The following COPG2 variants were observed in gnomAD, a reference collection of about 807,000 sequenced individuals.
The protein encoded by COPG2 is coatomer subunit gamma-2.
A neutral mutation model predicts 46.3 loss-of-function variants in COPG2; 37 were observed. The observed-to-expected ratio is 0.80, with a 90% CI of 0.61 to 1.05. The LOEUF is 1.05. Ranked by LOEUF, COPG2 falls within the 50% of genes least tolerant of loss-of-function variation. The pLI is 0.00. For missense variants in COPG2, 427 were observed against 387.8 expected, an observed-to-expected ratio of 1.10 and a Z score of -0.85; for synonymous variants, 159 against 129.7, an observed-to-expected ratio of 1.23 and a Z score of -1.53.
intron 4 of COPG2, among the ~76,000 whole-genome samples, chr7:130,662,603 TCTC>T (rs1796000219): frequency 1.3e-5 from 2 of 152,168 alleles, no homozygotes; most frequent in South Asian, 4.1e-4. Context: ...CAGCTCTTCT[TCTC>T]AACTGCCAGC....
intron 20 of COPG2, among the ~76,000 whole-genome samples, chr7:130,525,510 T>C (rs886116043): frequency 2.0e-5 from 3 of 152,096 alleles, no homozygotes; most frequent in Non-Finnish European, 2.9e-5. Flanking sequence ...GTGGTTTGAG[T>C]CTATTGTGTG....
intron 4 of COPG2, among the ~76,000 whole-genome samples, chr7:130,656,800 G>T (rs1231790613): frequency 6.6e-6 from 1 of 151,950 alleles, no homozygotes; most frequent in Non-Finnish European, 1.5e-5. Flanking sequence ...AAGTTAGAGA[G>T]ACTTGAATAA....
chr7:130,601,583 CAT>C (rs1394577287), intron 9 of COPG2, among the ~76,000 whole-genome samples: 1 of 152,242 alleles, frequency 6.6e-6, no homozygotes, highest in East Asian at 1.9e-4. Context: ...AAATACCGCA[CAT>C]GTTCTCACTC....
chr7:130,508,476 T>A, intron 21 of COPG2, 86 bp downstream of exon 21: 1 of 674,060 alleles, frequency 1.5e-6, no homozygotes, highest in South Asian at 1.7e-5. Context: ...TTATGTCAGA[T>A]GCTCCTAGAA....
rs964560549 is a variant in COPG2 at position 130,667,623 on chromosome 7, G to A, written c.38-89C>T. ...CCAGAGAAGGGTACTGAATGCTTGG[G>A]AAGTGAACACTTGGATGGCACAGTG... On this transcript the variant is annotated intron_variant, in intron 1 of 23. Coordinates refer to ENST00000425248, the MANE Select transcript of COPG2 (RefSeq NM_012133.6). The A allele has an allele frequency of 4.0e-6, 4 of 989,592 alleles. No individual in the cohort carries two copies. The South Asian group carries it at 5.8e-5, about 14-fold the overall frequency. The allele number at this position is 989,592 out of a possible 1,614,324, so 61.3% of individuals were successfully genotyped here. A position where few individuals can be genotyped will look rare whatever the true frequency, so the allele number is the denominator to read the frequency against.
chr7:130,578,197 C>A (rs1308861718), intron 9 of COPG2, among the ~76,000 whole-genome samples: 1 of 149,362 alleles, frequency 6.7e-6, no homozygotes, highest in African/African-American at 2.5e-5. Flanking sequence ...ACCCCTGACC[C>A]CCGAGCAGCC....
chr7:130,531,614 G>A (rs1799826160), intron 20 of COPG2, among the ~76,000 whole-genome samples: 1 of 152,172 alleles, frequency 6.6e-6, no homozygotes, highest in South Asian at 2.1e-4. Flanking sequence ...CACCTATGTT[G>A]TATTTCAGAG....
chr7:130,643,806 AACAC>A (rs1396932676), intron 5 of COPG2, among the ~76,000 whole-genome samples: 1 of 152,120 alleles, frequency 6.6e-6, no homozygotes, highest in African/African-American at 2.4e-5. Context: ...ATTTAAAAAA[AACAC>A]ACACACAAAT....
rs1793457617 is a variant in COPG2 at position 130,547,107 on chromosome 7, C to A, written c.2149+567G>T. The A allele has an allele frequency of 2.0e-5, 3 of 152,310 alleles. No homozygotes were observed. In the South Asian group the frequency reaches 6.2e-4, roughly 32 times the overall value. 9.4% of individuals were successfully genotyped at this position (152,310 alleles called of 1,614,324 possible). A position where few individuals can be genotyped will look rare whatever the true frequency, so the allele number is the denominator to read the frequency against. ...CTGTCTTTTAGGGGCTATTTCTCCA[C>A]CCTGCAAAGACTGCATATGGGTCAA... On this transcript the variant is annotated intron_variant, in intron 20 of 23. Coordinates refer to ENST00000425248, the MANE Select transcript of COPG2 (RefSeq NM_012133.6).
intron 10 of COPG2, among the ~76,000 whole-genome samples, chr7:130,563,875 T>C (rs1467375061): frequency 3.3e-5 from 5 of 151,674 alleles, no homozygotes; most frequent in African/African-American, 1.2e-4. Flanking sequence ...CATTAATACC[T>C]GAACTAAATG....
chr7:130,631,014 T>TA (rs1221036900), intron 5 of COPG2, among the ~76,000 whole-genome samples: 2 of 152,044 alleles, frequency 1.3e-5, no homozygotes, highest in South Asian at 4.2e-4. Context: ...CCCCATCTCT[T>TA]AAAAAAAATC....
At chr7:130,582,437 G>A (rs1478277281) in intron 9 of COPG2, among the ~76,000 whole-genome samples, 4 of 151,508 alleles carry the variant, frequency 2.6e-5, no homozygotes, top group Admixed American at 6.6e-5. Flanking sequence ...ATAGGCATGG[G>A]CAAGGATTTC....
Position 130,610,692 on chromosome 7 carries a change from A to G in COPG2, c.737+261T>C, listed in dbSNP as rs1438228997. 5.0e-6 allele frequency: 3 copies of G among 601,392 alleles called. No homozygotes were observed. The African/African-American group carries it at 5.5e-5, about 11-fold the overall frequency. The allele number at this position is 601,392 out of a possible 1,614,324, so 37.3% of individuals were successfully genotyped here. On this transcript the variant is annotated intron_variant, in intron 9 of 23. Coordinates refer to ENST00000425248, the MANE Select transcript of COPG2 (RefSeq NM_012133.6). ...AACTTTCATATTTAATTATCTATAT[A>G]TCTTATGATCAATGCATATATTTTT...
intron 22 of COPG2, 138 bp from the exon 23 acceptor site, chr7:130,507,510 C>G (rs1328227184): frequency 1.5e-6 from 1 of 679,076 alleles, no homozygotes; most frequent in East Asian, 2.5e-5. Flanking sequence ...AGGGAGGCTA[C>G]TACTGGACTA....
chr7:130,563,393 C>T (rs946653105), intron 10 of COPG2, 57 bp from the exon 11 acceptor site: 28 of 392,244 alleles, frequency 7.1e-5, no homozygotes, highest in East Asian at 3.3e-4. Flanking sequence ...ATATACATAC[C>T]GTGAATACTC....
intron 9 of COPG2, chr7:130,610,228 TA>T (rs1794818921): frequency 2.4e-6 from 1 of 422,756 alleles, no homozygotes; most frequent in Non-Finnish European, 4.5e-6. Flanking sequence ...TAGCAGCTAA[TA>T]GTTGATCTGG....
At chr7:130,662,854 A>T (rs1350769763) in intron 4 of COPG2, 113 bp downstream of exon 4, 1 of 676,776 alleles carries the variant, frequency 1.5e-6, no homozygotes, top group Non-Finnish European at 2.6e-6. Context: ...ATAAGCAGTT[A>T]AATAATTTAA....
At chr7:130,604,736 T>C (rs1794697468) in intron 9 of COPG2, 1 of 517,114 alleles carries the variant, frequency 1.9e-6, no homozygotes, top group African/African-American at 1.9e-5. Context: ...GGCATTTTTG[T>C]CTGTCTCATT....
chr7:130,577,552 G>C (rs1288551545), intron 9 of COPG2, among the ~76,000 whole-genome samples: 2 of 151,912 alleles, frequency 1.3e-5, no homozygotes, highest in Non-Finnish European at 2.9e-5. Flanking sequence ...ATGAGGTCAG[G>C]AGATCGAGAC....
Sources: allele counts gnomAD v4.1 joint callset (sites outside exome capture counted in the v4.1 genomes callset), GRCh38; gene constraint gnomAD v4.1.1; transcripts MANE v1.5; gene names NCBI Gene and HGNC (gene_info 2026-07-23, HGNC 2026-07-21).